The following PRDM1 variants were observed in gnomAD, a reference collection of about 807,000 sequenced individuals.
PRDM1 encodes PR domain zinc finger protein 1.
A neutral mutation model predicts 62.8 loss-of-function variants in PRDM1; 13 were observed. That is an observed-to-expected ratio of 0.21 (90% CI 0.13 to 0.33). The LOEUF is 0.33. Among genes scored for constraint, PRDM1 ranks in the 10% least tolerant of loss-of-function variants. The pLI is 1.00. For missense variants in PRDM1, 895 were observed against 1,058.8 expected (o/e 0.85, Z 2.15); for synonymous variants, 396 against 417.6 (o/e 0.95, Z 0.63).
chr6:106,106,445 C>T lies in PRDM1; in HGVS notation c.1848C>T (p.Ala616=). 6.2e-7 allele frequency: 1 copy of T among 1,614,162 alleles called. No individual in the cohort carries two copies. The highest frequency in any genetic ancestry group is 2.2e-5 in the East Asian group (1 of 44,884). The change falls in exon 6 of 7, where the codon GCC becomes GCT. Residue 616 remains alanine, a synonymous_variant. Transcript: ENST00000369096. This position sits in a 1 kb window ranked among gnomAD's most constrained non-coding sequence, Gnocchi z 4.4. ...QTCNKGFTQL[A]HLQKHYLVHT... ...GCAACAAGGGCTTTACTCAGCTCGC[C>T]CACCTGCAGAAACACTACCTGGTAC...
intron 1 of PRDM1, among the ~76,000 whole-genome samples, chr6:106,011,254 G>C (rs770093694): frequency 2.0e-5 from 3 of 152,190 alleles, no homozygotes; most frequent in Non-Finnish European, 2.9e-5. Context: ...GAGCTAAGAA[G>C]ACTCTCTGAG....
intron 4 of PRDM1, among the ~76,000 whole-genome samples, chr6:106,104,018 T>C (rs532251646): frequency 3.9e-5 from 6 of 152,300 alleles, no homozygotes; most frequent in Non-Finnish European, 7.4e-5. Flanking sequence ...CTTTATCAAA[T>C]TCGTATTCAA....
In PRDM1 at chr6:106,098,737, T is replaced by A. The variant is rs764230633; in HGVS notation, c.412-563T>A. 6 of 1,423,938 alleles carry A rather than the reference T, an allele frequency of 4.2e-6. No homozygotes were observed. In the South Asian group the frequency reaches 7.3e-5, roughly 17 times the overall value. The allele number at this position is 1,423,938 out of a possible 1,614,324, so 88.2% of individuals were successfully genotyped here. On this transcript the variant is annotated intron_variant, in intron 3 of 6. Transcript: ENST00000369096. ...CCACAAAAAGGCAAGGTTCCAAGTATTCATATGAACAAGTGTTACTTTAGG... is the reference window on the plus strand; with the variant it reads ...CCACAAAAAGGCAAGGTTCCAAGTAATCATATGAACAAGTGTTACTTTAGG...
chr6:106,086,679 AT>A (rs917230390), intron 1 of PRDM1, 84 bp downstream of exon 1: 482 of 1,306,940 alleles, frequency 3.7e-4, no homozygotes, highest in African/African-American at 1.4e-3. Context: ...ATTATTATTA[AT>A]TTTTTTTGGC....
At chr6:106,031,113 T>C (rs944384780) in intron 1 of PRDM1, among the ~76,000 whole-genome samples, 1 of 151,900 alleles carries the variant, frequency 6.6e-6, no homozygotes, top group Non-Finnish European at 1.5e-5. Context: ...GTGCCAAGAG[T>C]TTGGCATTCT....
intron 4 of PRDM1, among the ~76,000 whole-genome samples, chr6:106,104,417 G>A (rs1774376765): frequency 6.6e-6 from 1 of 152,094 alleles, no homozygotes; most frequent in Non-Finnish European, 1.5e-5. Context: ...CTCCATGTTG[G>A]TCAGGCTGGT....
intron 1 of PRDM1, among the ~76,000 whole-genome samples, chr6:106,058,667 G>A (rs140735706): frequency 6.6e-6 from 1 of 152,092 alleles, no homozygotes; most frequent in Non-Finnish European, 1.5e-5. Flanking sequence ...CTGCCTCCTG[G>A]GTTCAAGTGA....
Position 106,000,673 on chromosome 6 carries a change from C to T in PRDM1, c.-67+7034C>T, listed in dbSNP as rs145368751. 4.3e-3 allele frequency among the ~76,000 whole-genome samples: 648 copies of T among 152,198 alleles called. 5 individuals are homozygous for T. The highest frequency in any genetic ancestry group is 0.015 in the African/African-American group (608 of 41,522). The stretch of plus-strand genomic sequence containing the variant: ...AGAAAGCTGACATAAATAGTATCAT[C>T]ATACACGTGTTCTTTTTAACTAAGC... On this transcript the variant is annotated intron_variant, in intron 1 of 6. Coordinates refer to the PRDM1 transcript ENST00000652320.
Position 106,105,408 on chromosome 6 carries a change from C to T in PRDM1, c.1248C>T (p.Pro416=). ...YNAHYPKFLL[P]PYGMNCNGLS... ...CTCACTACCCCAAGTTCCTCTTGCCCCCCTACGGCATGAATTGTAATGGCC... is the reference window on the plus strand; with the variant it reads ...CTCACTACCCCAAGTTCCTCTTGCCTCCCTACGGCATGAATTGTAATGGCC... The change falls in exon 5 of 7, where the codon CCC becomes CCT. Residue 416 remains proline (P), a synonymous_variant. Coordinates refer to ENST00000369096, the MANE Select transcript of PRDM1 (RefSeq NM_001198.4). 6.2e-7 allele frequency: 1 copy of T among 1,614,200 alleles called. No homozygotes were observed. Among genetic ancestry groups the T allele is most frequent in the East Asian group, 2.2e-5 (1 of 44,876 alleles).
At chr6:106,052,696 C>T (rs374909925) in intron 1 of PRDM1, among the ~76,000 whole-genome samples, 2 of 151,854 alleles carry the variant, frequency 1.3e-5, no homozygotes, top group Admixed American at 6.6e-5. Flanking sequence ...TCATGCCGGG[C>T]GTGGGGTGGC....
At chr6:106,103,035 C>T (rs759122906) in intron 4 of PRDM1, among the ~76,000 whole-genome samples, 4 of 152,160 alleles carry the variant, frequency 2.6e-5, no homozygotes, top group Non-Finnish European at 5.9e-5. Flanking sequence ...CCTGCTGGGC[C>T]TCACTGAAAG....
At chr6:106,060,908 G>A (rs892603987) in intron 1 of PRDM1, among the ~76,000 whole-genome samples, 31 of 152,040 alleles carry the variant, frequency 2.0e-4, no homozygotes, top group African/African-American at 6.3e-4. Context: ...AAAGTCTTCC[G>A]TCATCAAGGG....
intron 1 of PRDM1, among the ~76,000 whole-genome samples, chr6:106,059,239 G>C (rs1773310019): frequency 6.6e-6 from 1 of 152,166 alleles, no homozygotes; most frequent in Non-Finnish European, 1.5e-5. Flanking sequence ...AAATAAAACA[G>C]TGTAAGGGAA....
chr6:106,102,402 A>G (rs1395030173), intron 4 of PRDM1, among the ~76,000 whole-genome samples: 3 of 152,244 alleles, frequency 2.0e-5, no homozygotes, highest in Non-Finnish European at 4.4e-5. Context: ...CCTGTAGAGC[A>G]TCTTAGGGAG....
intron 3 of PRDM1, among the ~76,000 whole-genome samples, chr6:106,097,200 C>T (rs1196087332): frequency 2.0e-5 from 3 of 152,176 alleles, no homozygotes; most frequent in Non-Finnish European, 4.4e-5. Flanking sequence ...CCTTTATTGT[C>T]AATAACGTCT....
At chr6:106,072,467 C>A (rs1187915539) in intron 1 of PRDM1, among the ~76,000 whole-genome samples, 1 of 152,204 alleles carries the variant, frequency 6.6e-6, no homozygotes, top group Non-Finnish European at 1.5e-5. Context: ...AAGCACAACT[C>A]TTCTATTTTC....
chr6:106,028,918 CTT>C (rs756143283), intron 1 of PRDM1, among the ~76,000 whole-genome samples: 11 of 124,262 alleles, frequency 8.9e-5, no homozygotes, highest in South Asian at 2.6e-4. Flanking sequence ...TTCTTTCCTT[CTT>C]TTTTTTTTTT....
intron 1 of PRDM1, among the ~76,000 whole-genome samples, chr6:106,006,257 A>C (rs1582423183): frequency 6.6e-6 from 1 of 152,166 alleles, no homozygotes; most frequent in African/African-American, 2.4e-5. Flanking sequence ...TTCCTCCCTT[A>C]TATGGATGGT....
At chr6:106,024,499 G>A (rs547360606) in intron 1 of PRDM1, among the ~76,000 whole-genome samples, 3 of 152,292 alleles carry the variant, frequency 2.0e-5, no homozygotes, top group East Asian at 1.9e-4. Context: ...ACTTGTCTCA[G>A]ACATCTCTTC....
Sources: allele counts gnomAD v4.1 joint callset (sites outside exome capture counted in the v4.1 genomes callset), GRCh38; gene constraint gnomAD v4.1.1; non-coding constraint Gnocchi (gnomAD v3.1); transcripts MANE v1.5; gene names NCBI Gene and HGNC (gene_info 2026-07-23, HGNC 2026-07-21).